The following UBE2E2 variants were observed in gnomAD, a reference collection of about 807,000 sequenced individuals.
The protein encoded by UBE2E2 is ubiquitin-conjugating enzyme E2 E2.
Under a neutral mutation model 24.7 loss-of-function variants are expected in UBE2E2, and 6 were observed. The ratio of observed to expected loss-of-function variants is 0.24; its 90% CI spans 0.13 to 0.48. The LOEUF (loss-of-function observed/expected upper bound fraction) is 0.48. UBE2E2 is among the 20% of genes least tolerant of loss of function. UBE2E2 has a pLI of 0.99. For synonymous variants in UBE2E2, 104 were observed against 83.6 expected (o/e 1.24, Z -1.33); for missense variants, 169 against 245.0 (o/e 0.69, Z 2.07).
intron 2 of UBE2E2, among the ~76,000 whole-genome samples, chr3:23,212,025 GC>G (rs1483737259): frequency 6.6e-6 from 1 of 152,186 alleles, no homozygotes; most frequent in African/African-American, 2.4e-5. Flanking sequence ...TAGGAAAAGT[GC>G]TTGCACGTAG....
chr3:23,213,641 A>G (rs1396640631), intron 2 of UBE2E2, among the ~76,000 whole-genome samples: 2 of 152,092 alleles, frequency 1.3e-5, no homozygotes, highest in African/African-American at 4.8e-5. Flanking sequence ...TGTTCAGGTG[A>G]TTTTTGTGTA....
At chr3:23,214,230 A>G (rs1696408889) in intron 2 of UBE2E2, among the ~76,000 whole-genome samples, 1 of 152,058 alleles carries the variant, frequency 6.6e-6, no homozygotes, top group African/African-American at 2.4e-5. Flanking sequence ...TTTTATATAG[A>G]ATTATATGAC....
intron 3 of UBE2E2, among the ~76,000 whole-genome samples, chr3:23,429,003 A>G (rs1697995891): frequency 6.6e-6 from 1 of 151,966 alleles, no homozygotes; most frequent in African/African-American, 2.4e-5. Flanking sequence ...TAAAAGGGTA[A>G]TAAAGAAATA....
intron 4 of UBE2E2, among the ~76,000 whole-genome samples, chr3:23,507,916 A>C (rs764299616): frequency 2.0e-5 from 3 of 152,208 alleles, no homozygotes; most frequent in African/African-American, 7.2e-5. Flanking sequence ...ATATGTTTCT[A>C]ATTCACAGAC....
intron 3 of UBE2E2, among the ~76,000 whole-genome samples, chr3:23,347,953 T>G (rs1460652004): frequency 6.6e-6 from 1 of 151,998 alleles, no homozygotes; most frequent in African/African-American, 2.4e-5. Flanking sequence ...TATAATAAAC[T>G]CCATATAAAG....
intron 5 of UBE2E2, among the ~76,000 whole-genome samples, chr3:23,533,619 A>ATTTTTTTTTTTTTTTTTTTTTTTTTTTT (rs759984741): frequency 9.2e-6 from 1 of 108,508 alleles, no homozygotes; most frequent in Non-Finnish European, 1.8e-5. Flanking sequence ...GCAAATTAGT[A>ATTTTTTTTTTTTTTTTTTTTTTTTTTTT]TTTTTTTTTT....
intron 3 of UBE2E2, among the ~76,000 whole-genome samples, chr3:23,304,701 A>G (rs1699194036): frequency 6.6e-6 from 1 of 152,226 alleles, no homozygotes; most frequent in South Asian, 2.1e-4. Context: ...ATACACCAAA[A>G]GTTAACAAGT....
chr3:23,551,747 T>C (rs573948990), intron 5 of UBE2E2, among the ~76,000 whole-genome samples: 1 of 152,270 alleles, frequency 6.6e-6, no homozygotes, highest in East Asian at 1.9e-4. Flanking sequence ...GAGATGACGA[T>C]AGGGATGTAA....
At chr3:23,373,110 TTCC>T (rs1360005531) in intron 3 of UBE2E2, among the ~76,000 whole-genome samples, 1 of 152,154 alleles carries the variant, frequency 6.6e-6, no homozygotes, top group Admixed American at 6.6e-5. Context: ...CTCCAGACCC[TTCC>T]TCCTCAACTC....
intron 3 of UBE2E2, among the ~76,000 whole-genome samples, chr3:23,234,955 C>G (rs868542531): frequency 1.3e-5 from 2 of 152,102 alleles, no homozygotes; most frequent in African/African-American, 4.8e-5. Flanking sequence ...AAAATATCTC[C>G]TACTAGGTTA....
chr3:23,207,402 G>A (rs1415087127), intron 1 of UBE2E2, among the ~76,000 whole-genome samples: 1 of 150,936 alleles, frequency 6.6e-6, no homozygotes, highest in African/African-American at 2.4e-5. Flanking sequence ...TGAAAGCCTT[G>A]AGGGATATTT....
chr3:23,317,840 C>T (rs1203864924), intron 3 of UBE2E2, among the ~76,000 whole-genome samples: 1 of 151,960 alleles, frequency 6.6e-6, no homozygotes, highest in Non-Finnish European at 1.5e-5. Flanking sequence ...GTGATGTCTG[C>T]AATTCAAGAC....
intron 3 of UBE2E2, among the ~76,000 whole-genome samples, chr3:23,348,852 C>G (rs189772515): frequency 1.3e-5 from 2 of 152,172 alleles, no homozygotes; most frequent in Admixed American, 1.3e-4. Flanking sequence ...TTGTTTGGAG[C>G]AAAGTGCCAT....
intron 3 of UBE2E2, among the ~76,000 whole-genome samples, chr3:23,267,160 C>G (rs971563055): frequency 6.6e-6 from 1 of 151,476 alleles, no homozygotes; most frequent in Non-Finnish European, 1.5e-5. Context: ...AAAGCAAGAG[C>G]AAACACATTC....
intron 4 of UBE2E2, among the ~76,000 whole-genome samples, chr3:23,513,466 A>G (rs1355423836): frequency 6.6e-6 from 1 of 152,176 alleles, no homozygotes; most frequent in Non-Finnish European, 1.5e-5. Context: ...TGATTGACAT[A>G]CAGGGATTTT....
At chr3:23,404,940 T>C (rs745824832) in intron 3 of UBE2E2, among the ~76,000 whole-genome samples, 1 of 152,202 alleles carries the variant, frequency 6.6e-6, no homozygotes, top group Admixed American at 6.5e-5. Context: ...CACTACTCTG[T>C]TCAGTTCAGC....
chr3:23,453,542 A>G (rs1261152921), intron 3 of UBE2E2, among the ~76,000 whole-genome samples: 2 of 152,194 alleles, frequency 1.3e-5, no homozygotes, highest in East Asian at 1.9e-4. Flanking sequence ...TAAAAATTGT[A>G]TGCATCTTTG....
At chr3:23,290,889 TAAAAAAAA>T (rs71051209) in intron 3 of UBE2E2, among the ~76,000 whole-genome samples, 47 of 86,748 alleles carry the variant, frequency 5.4e-4, no homozygotes, top group African/African-American at 2.2e-3. Flanking sequence ...ACTGTGTGTC[TAAAAAAAA>T]AAAAAAAAAA....
intron 3 of UBE2E2, among the ~76,000 whole-genome samples, chr3:23,341,757 T>G (rs1695394325): frequency 6.6e-6 from 1 of 152,196 alleles, no homozygotes; most frequent in Non-Finnish European, 1.5e-5. Context: ...GTGTAGTAAT[T>G]GATCAAACTA....
Sources: allele counts gnomAD v4.1 joint callset (sites outside exome capture counted in the v4.1 genomes callset), GRCh38; gene constraint gnomAD v4.1.1; transcripts MANE v1.5; gene names NCBI Gene and HGNC (gene_info 2026-07-23, HGNC 2026-07-21).